Variants in CDH18 observed in about 807,000 individuals in gnomAD.
CDH18 encodes the protein cadherin 18, also known as cadherin-18.
CDH18 carries 31 observed loss-of-function variants against 67.9 expected under a neutral mutation model. That is an observed-to-expected ratio of 0.46 (90% CI 0.34 to 0.62). The LOEUF (loss-of-function observed/expected upper bound fraction) is 0.62. Among genes scored for constraint, CDH18 ranks in the 20% least tolerant of loss-of-function variants. The probability of loss-of-function intolerance (pLI) is 0.01; values close to 1 mark genes in which losing one functional copy is unlikely to be tolerated. For synonymous variants in CDH18, 362 were observed against 347.2 expected, an observed-to-expected ratio of 1.04 and a Z score of -0.48; for missense variants, 890 against 975.5, an observed-to-expected ratio of 0.91 and a Z score of 1.17.
intron 2 of CDH18, among the ~76,000 whole-genome samples, chr5:20,067,239 T>G (rs183936150): frequency 1.3e-5 from 2 of 151,828 alleles, no homozygotes; most frequent in Non-Finnish European, 2.9e-5. Context: ...CTGTGGATTC[T>G]GAGAGCAGAC....
At chr5:19,475,833 G>T (rs1359192917) in intron 12 of CDH18, among the ~76,000 whole-genome samples, 5 of 151,922 alleles carry the variant, frequency 3.3e-5, no homozygotes, top group Non-Finnish European at 7.4e-5. Flanking sequence ...CAAACACCAG[G>T]TTATCTAACT....
chr5:20,511,600 G>A (rs551496379), intron 1 of CDH18, among the ~76,000 whole-genome samples: 2 of 152,286 alleles, frequency 1.3e-5, no homozygotes, highest in Admixed American at 6.5e-5. Context: ...CATGCTTGCT[G>A]AATGTTCTTA....
At chr5:20,373,903 C>T (rs1176607017) in intron 1 of CDH18, among the ~76,000 whole-genome samples, 4 of 151,928 alleles carry the variant, frequency 2.6e-5, no homozygotes, top group Non-Finnish European at 5.9e-5. Context: ...CTAAGAAACA[C>T]TTTTATAAAA....
At chr5:19,611,745 T>C (rs1748999949) in intron 6 of CDH18, among the ~76,000 whole-genome samples, 1 of 152,140 alleles carries the variant, frequency 6.6e-6, no homozygotes, top group Non-Finnish European at 1.5e-5. Flanking sequence ...GTATCTTCCA[T>C]TTTTAAAAAC....
intron 2 of CDH18, among the ~76,000 whole-genome samples, chr5:20,095,132 A>G (rs1044977788): frequency 2.0e-5 from 3 of 151,800 alleles, no homozygotes; most frequent in Non-Finnish European, 4.4e-5. Context: ...AGGGAGGGGA[A>G]CATCACACAC....
chr5:19,496,202 C>T (rs941381667), intron 11 of CDH18, among the ~76,000 whole-genome samples: 1 of 152,108 alleles, frequency 6.6e-6, no homozygotes, highest in Non-Finnish European at 1.5e-5. Context: ...GGGTCATCTT[C>T]TAAAAACAGA....
chr5:20,520,901 T>C lies in CDH18; in HGVS notation c.-580+54561A>G, dbSNP rs370525144. Among the ~76,000 whole-genome samples, 9 of 152,180 alleles carry C rather than the reference T, an allele frequency of 5.9e-5. No individual in the cohort carries two copies. In the South Asian group the frequency reaches 6.2e-4, roughly 11 times the overall value. ...GAGCCATGAGATCACTAAACAGGCA[T>C]GGTCATGATTGGTAGTACTGGTTGT... On this transcript the variant is annotated intron_variant, in intron 1 of 14. Coordinates refer to the CDH18 transcript ENST00000507958.
intron 2 of CDH18, among the ~76,000 whole-genome samples, chr5:20,113,674 G>A (rs971456424): frequency 4.3e-4 from 66 of 152,156 alleles, no homozygotes; most frequent in African/African-American, 1.5e-3. Context: ...CAATGAGAAC[G>A]TTTTATGAAT....
At chr5:20,234,434 C>T (rs1742320402) in intron 2 of CDH18, among the ~76,000 whole-genome samples, 2 of 152,080 alleles carry the variant, frequency 1.3e-5, no homozygotes, top group South Asian at 2.1e-4. Flanking sequence ...TGTTCCAGAT[C>T]ATCAGTTCCC....
At position 20,350,169 on chromosome 5, in the gene CDH18, A is replaced by AC. The variant is rs145227244; in HGVS notation, c.-579-94665_-579-94664insG. On this transcript the variant is annotated intron_variant, in intron 1 of 14. Transcript: ENST00000507958. Reference sequence around the variant, plus strand: ...CTAATATTTATTCTTACATTACAAAAAAATTTCTTTTTGTTTTTAGTGGAA... The same window carrying AC: ...CTAATATTTATTCTTACATTACAAAACAAATTTCTTTTTGTTTTTAGTGGAA... Among the ~76,000 whole-genome samples the AC allele has an allele frequency of 3.0e-3, 453 of 152,284 alleles. 3 individuals carry two copies. The highest frequency in any genetic ancestry group is 0.01 in the African/African-American group (422 of 41,558).
intron 2 of CDH18, among the ~76,000 whole-genome samples, chr5:20,076,868 A>G (rs1332481110): frequency 6.6e-6 from 1 of 151,442 alleles, no homozygotes; most frequent in Non-Finnish European, 1.5e-5. Context: ...TGAACAATAT[A>G]AAGAGATTTT....
intron 1 of CDH18, among the ~76,000 whole-genome samples, chr5:20,397,458 A>AT (rs1171117113): frequency 3.9e-5 from 6 of 152,030 alleles, no homozygotes; most frequent in Non-Finnish European, 1.5e-5. Context: ...TAGAGTATTA[A>AT]TTTTTTAACA....
At chr5:19,495,717 CAAAAAA>C (rs749003068) in intron 11 of CDH18, among the ~76,000 whole-genome samples, 31 of 46,558 alleles carry the variant, frequency 6.7e-4, no homozygotes, top group African/African-American at 2.2e-3. Context: ...GAAACTGTCT[CAAAAAA>C]AAAAAAAAAA....
chr5:19,863,623 C>T (rs1785138062), intron 2 of CDH18, among the ~76,000 whole-genome samples: 1 of 152,158 alleles, frequency 6.6e-6, no homozygotes, highest in Non-Finnish European at 1.5e-5. Flanking sequence ...CTAAGAGAAA[C>T]TGCAATAATA....
chr5:20,449,457 T>C (rs2150204344), intron 1 of CDH18, among the ~76,000 whole-genome samples: 1 of 152,150 alleles, frequency 6.6e-6, no homozygotes, highest in East Asian at 1.9e-4. Context: ...ATAAATTTAA[T>C]AAAAATAAAG....
chr5:20,220,040 T>G (rs1741101959), intron 2 of CDH18, among the ~76,000 whole-genome samples: 1 of 152,008 alleles, frequency 6.6e-6, no homozygotes, highest in African/African-American at 2.4e-5. Context: ...TGTTAAAATG[T>G]ATACATTTCC....
At chr5:20,035,199 A>T (rs968786993) in intron 2 of CDH18, among the ~76,000 whole-genome samples, 2 of 152,062 alleles carry the variant, frequency 1.3e-5, no homozygotes, top group Non-Finnish European at 2.9e-5. Context: ...AGTATTAGCC[A>T]TTAAATTTGG....
chr5:20,101,007 T>C (rs1022903733), intron 2 of CDH18, among the ~76,000 whole-genome samples: 1 of 152,144 alleles, frequency 6.6e-6, no homozygotes, highest in Non-Finnish European at 1.5e-5. Context: ...GGCTGGAATG[T>C]AGTGGCACAA....
chr5:20,324,778 A>T (rs1738393616), intron 1 of CDH18, among the ~76,000 whole-genome samples: 1 of 152,200 alleles, frequency 6.6e-6, no homozygotes, highest in Non-Finnish European at 1.5e-5. Context: ...ACACCAAAAA[A>T]CACAGTTTAG....
Sources: gnomAD v4.1 joint callset for allele counts (sites outside exome capture counted in the v4.1 genomes callset) on GRCh38, gnomAD v4.1.1 for gene constraint, MANE v1.5 for transcripts, NCBI Gene and HGNC (gene_info 2026-07-23, HGNC 2026-07-21) for gene names.